RARB: variants seen among roughly 807,000 people sequenced by gnomAD.
RARB encodes the protein retinoic acid receptor beta, also known as HBV-activated protein.
In RARB, 17 loss-of-function variants were observed where a neutral mutation model predicts 51.9. The ratio of observed to expected loss-of-function variants is 0.33; its 90% CI spans 0.22 to 0.49. RARB has a LOEUF of 0.49. RARB is among the 20% of genes least tolerant of loss of function. The pLI is 0.99. For synonymous variants in RARB, 215 were observed against 195.4 expected (o/e 1.10, Z -0.84); for missense variants, 369 against 550.8 (o/e 0.67, Z 3.30).
rs1470872580 is a variant in RARB at position 25,428,779 on chromosome 3, G to A, written c.48G>A (p.Leu16=). 1.9e-6 allele frequency: 3 copies of A among 1,614,114 alleles called. No individual in the cohort carries two copies. The South Asian group carries it at 3.3e-5, about 18-fold the overall frequency. ...DVLSVSPGQI[L]DFYTASPSSC... is the part of the protein sequence containing the mutation. ...TGTCAGTGAGTCCTGGGCAAATCCT[G>A]GATTTCTACACTGCGAGTCCGTCTT... The change falls in exon 1 of 8, where the codon CTG becomes CTA. Residue 16 remains leucine (L), a synonymous_variant. Transcript: ENST00000330688.
intron 5 of RARB, among the ~76,000 whole-genome samples, chr3:25,364,126 CT>C (rs1425476609): frequency 6.6e-6 from 1 of 151,986 alleles, no homozygotes; most frequent in Non-Finnish European, 1.5e-5. Context: ...TTTATCTATT[CT>C]TTTTTTGTTT....
intron 5 of RARB, among the ~76,000 whole-genome samples, chr3:25,190,240 T>C (rs1054124648): frequency 6.6e-6 from 1 of 152,004 alleles, no homozygotes; most frequent in Non-Finnish European, 1.5e-5. Flanking sequence ...TCTCTGGACA[T>C]AGGAACAGTC....
chr3:25,349,901 GA>G (rs1705508191), intron 5 of RARB, among the ~76,000 whole-genome samples: 1 of 152,056 alleles, frequency 6.6e-6, no homozygotes, highest in African/African-American at 2.4e-5. Flanking sequence ...AGCTAAGCCA[GA>G]ACAGTCTATT....
chr3:25,372,695 G>A (rs186104306), intron 5 of RARB, among the ~76,000 whole-genome samples: 11 of 152,182 alleles, frequency 7.2e-5, no homozygotes, highest in Admixed American at 5.2e-4. Context: ...GCATGGTGGC[G>A]CATGCCTGTA....
At chr3:24,888,858 G>C (rs1003718457) in intron 2 of RARB, among the ~76,000 whole-genome samples, 4 of 152,160 alleles carry the variant, frequency 2.6e-5, no homozygotes, top group East Asian at 1.9e-4. Flanking sequence ...TGTGCAAAGA[G>C]ATTTTGCCTC....
Position 24,943,196 on chromosome 3 carries a change from G to A in RARB, c.-380+84444G>A, listed in dbSNP as rs981145788. On this transcript the variant is annotated intron_variant, in intron 2 of 11. Transcript: ENST00000383772. ...TAGTACTATTTTGTAAAATACTTCC[G>A]AGTTTAGGGGGAGAAATAATAACCA... is the stretch of plus-strand genomic sequence containing the variant. 9.2e-5 allele frequency among the ~76,000 whole-genome samples: 14 copies of A among 152,248 alleles called. No individual in the cohort carries two copies. In the East Asian group the frequency reaches 9.7e-4, roughly 11 times the overall value.
chr3:25,539,423 C>T (rs144522066), intron 3 of RARB, among the ~76,000 whole-genome samples: 1 of 151,868 alleles, frequency 6.6e-6, no homozygotes, highest in Non-Finnish European at 1.5e-5. Flanking sequence ...AAACGTCTTC[C>T]TCTACTTCAA....
intron 3 of RARB, among the ~76,000 whole-genome samples, chr3:25,514,665 G>A (rs190987389): frequency 2.6e-5 from 4 of 152,080 alleles, no homozygotes; most frequent in Admixed American, 1.3e-4. Flanking sequence ...ACAATATTTT[G>A]GTTTAGCAAC....
intron 5 of RARB, among the ~76,000 whole-genome samples, chr3:25,246,972 A>G (rs1291682836): frequency 6.6e-6 from 1 of 152,176 alleles, no homozygotes; most frequent in Non-Finnish European, 1.5e-5. Context: ...AGTTTCATCT[A>G]TAAGCCCCTG....
intron 5 of RARB, among the ~76,000 whole-genome samples, chr3:25,399,820 C>A (rs574423324): frequency 1.3e-5 from 2 of 152,304 alleles, no homozygotes; most frequent in Non-Finnish European, 2.9e-5. Context: ...TTGCATATAA[C>A]TAGCAAGTCT....
chr3:25,296,487 T>A (rs1483857303), intron 5 of RARB, among the ~76,000 whole-genome samples: 2 of 152,218 alleles, frequency 1.3e-5, no homozygotes, highest in Non-Finnish European at 2.9e-5. Flanking sequence ...ACCTACCTCT[T>A]GAAGTCGACA....
At chr3:25,354,562 G>C (rs1043465108) in intron 5 of RARB, among the ~76,000 whole-genome samples, 16 of 152,086 alleles carry the variant, frequency 1.1e-4, no homozygotes, top group African/African-American at 3.6e-4. Context: ...AGCAAACCGA[G>C]TTGTTATTCT....
chr3:25,189,300 C>G (rs1175326355), intron 5 of RARB, among the ~76,000 whole-genome samples: 3 of 152,156 alleles, frequency 2.0e-5, no homozygotes, highest in South Asian at 2.1e-4. Flanking sequence ...ATTAGAGTGT[C>G]AAGATAAATA....
At position 25,038,741 on chromosome 3, in the gene RARB, T is replaced by C. The variant is rs560274781; in HGVS notation, c.-379-21384T>C. ...TCTTAACATAATGAGACAGTTCTTATGTTTTAAGAACAATAGAAAAAGCAT... is the reference window on the plus strand; with the variant it reads ...TCTTAACATAATGAGACAGTTCTTACGTTTTAAGAACAATAGAAAAAGCAT... On this transcript the variant is annotated intron_variant, in intron 2 of 11. Coordinates refer to the RARB transcript ENST00000383772. 4.6e-5 allele frequency among the ~76,000 whole-genome samples: 7 copies of C among 152,302 alleles called. No homozygotes were observed. In the East Asian group the frequency reaches 9.7e-4, roughly 21 times the overall value.
chr3:25,378,826 G>C (rs1304048299), intron 5 of RARB, among the ~76,000 whole-genome samples: 1 of 152,096 alleles, frequency 6.6e-6, no homozygotes, highest in East Asian at 1.9e-4. Flanking sequence ...TTTCTTATGA[G>C]GTAGTATTTC....
intron 3 of RARB, among the ~76,000 whole-genome samples, chr3:25,105,870 A>G (rs1202298372): frequency 1.3e-5 from 2 of 152,248 alleles, no homozygotes; most frequent in Non-Finnish European, 2.9e-5. Context: ...TTTTAACATC[A>G]GAGGAAAATT....
intron 5 of RARB, among the ~76,000 whole-genome samples, chr3:25,243,323 T>G (rs1174699608): frequency 6.6e-6 from 1 of 152,220 alleles, no homozygotes; most frequent in South Asian, 2.1e-4. Flanking sequence ...CTGATTGCCC[T>G]GACCAGAACT....
At chr3:25,530,889 A>G (rs1211139254) in intron 3 of RARB, among the ~76,000 whole-genome samples, 3 of 152,224 alleles carry the variant, frequency 2.0e-5, no homozygotes, top group Non-Finnish European at 4.4e-5. Flanking sequence ...GAGTGACAGC[A>G]TGTAGCAAAT....
chr3:25,504,540 G>C (rs1287757479), intron 3 of RARB, among the ~76,000 whole-genome samples: 2 of 152,122 alleles, frequency 1.3e-5, no homozygotes, highest in African/African-American at 4.8e-5. Flanking sequence ...AAACCATGTG[G>C]GTGGGGAGTG....
Sources: allele counts gnomAD v4.1 joint callset (sites outside exome capture counted in the v4.1 genomes callset), GRCh38; gene constraint gnomAD v4.1.1; transcripts MANE v1.5; gene names NCBI Gene and HGNC (gene_info 2026-07-23, HGNC 2026-07-21).